The following TSGA10 variants were observed in gnomAD, a reference collection of about 807,000 sequenced individuals.
The protein encoded by TSGA10 is testis specific 10, also known as testis-specific gene 10 protein.
TSGA10 carries 43 observed loss-of-function variants against 96.6 expected under a neutral mutation model. That is an observed-to-expected ratio of 0.44 (90% CI 0.35 to 0.57). The LOEUF (loss-of-function observed/expected upper bound fraction) is 0.57. TSGA10 is among the 20% of genes least tolerant of loss of function. The pLI is 0.01. For missense variants in TSGA10, 703 were observed against 834.4 expected (o/e 0.84, Z 1.94); for synonymous variants, 229 against 269.9 (o/e 0.85, Z 1.48).
chr2:99,110,090 G>A (rs917683838), intron 5 of TSGA10, among the ~76,000 whole-genome samples: 4 of 152,182 alleles, frequency 2.6e-5, no homozygotes, highest in African/African-American at 2.4e-5. Flanking sequence ...ATTTGAACCC[G>A]GGAGGCGGAG....
chr2:99,085,186 G>A (rs368431945), intron 10 of TSGA10, among the ~76,000 whole-genome samples: 37 of 152,210 alleles, frequency 2.4e-4, no homozygotes, highest in African/African-American at 8.9e-4. Flanking sequence ...GGCGGAGGTT[G>A]CAGTGAGGTG....
At chr2:99,076,746 T>C (rs898510224) in intron 12 of TSGA10, among the ~76,000 whole-genome samples, 1 of 152,164 alleles carries the variant, frequency 6.6e-6, no homozygotes, top group African/African-American at 2.4e-5. Flanking sequence ...GAAATTCTCA[T>C]GAAAGCCACT....
At chr2:99,018,714 A>G (rs2079749722) in intron 18 of TSGA10, 74 bp from the exon 19 acceptor site, 1 of 1,278,656 alleles carries the variant, frequency 7.8e-7, no homozygotes, top group East Asian at 2.5e-5. Flanking sequence ...ACATGAAACC[A>G]TATTGATAGT....
intron 14 of TSGA10, among the ~76,000 whole-genome samples, chr2:99,070,993 T>C (rs890349638): frequency 6.6e-6 from 1 of 152,128 alleles, no homozygotes; most frequent in Non-Finnish European, 1.5e-5. Flanking sequence ...CAAAATACTT[T>C]AACATCTCAG....
intron 16 of TSGA10, among the ~76,000 whole-genome samples, chr2:99,045,915 G>A (rs149808408): frequency 0.016 from 2,451 of 152,206 alleles, 56 homozygotes; most frequent in African/African-American, 0.056. Flanking sequence ...AATGGCAGGA[G>A]TTGCAATCCT....
chr2:99,095,383 A>G (rs2089922268), intron 10 of TSGA10, among the ~76,000 whole-genome samples: 1 of 152,212 alleles, frequency 6.6e-6, no homozygotes, highest in Non-Finnish European at 1.5e-5. Context: ...CTGTTCCCCA[A>G]AAACCTATGG....
At chr2:99,100,542 C>T (rs1458338854) in intron 10 of TSGA10, among the ~76,000 whole-genome samples, 3 of 151,922 alleles carry the variant, frequency 2.0e-5, no homozygotes, top group African/African-American at 4.8e-5. Context: ...CTGGTAGGGC[C>T]GGGTGCGGTG....
intron 20 of TSGA10, among the ~76,000 whole-genome samples, chr2:99,002,404 GAAATAA>G (rs1170809305): frequency 4.6e-5 from 7 of 152,188 alleles, no homozygotes; most frequent in Non-Finnish European, 7.3e-5. Flanking sequence ...AAGTGAAGGA[GAAATAA>G]AATACTTTAC....
At position 99,078,709 on chromosome 2, in the gene TSGA10, C is replaced by T; in HGVS notation, c.832G>A (p.Asp278Asn). The change falls in exon 12 of 21, where the codon GAT becomes AAT. Residue 278 changes from aspartate to asparagine, a missense_variant. Asp to Asn is a conservative substitution (Grantham distance 23). Coordinates refer to ENST00000393483, the MANE Select transcript of TSGA10 (RefSeq NM_025244.4). ...KEKECLQACLDKKSENIASLG... is the reference protein window; with the variant it reads ...KEKECLQACLNKKSENIASLG... The stretch of plus-strand genomic sequence containing the variant: ...GATGCAATATTCTCAGATTTTTTAT[C>T]CAAACATGCTTGCAGGCATTCCTTT... 1.2e-6 allele frequency: 2 copies of T among 1,613,602 alleles called. No homozygotes were observed. The highest frequency in any genetic ancestry group is 1.7e-6 in the Non-Finnish European group (2 of 1,179,848).
chr2:99,023,238 G>A (rs1480441527), intron 17 of TSGA10, among the ~76,000 whole-genome samples: 2 of 152,062 alleles, frequency 1.3e-5, no homozygotes, highest in East Asian at 1.9e-4. Context: ...GGGCTCAAAC[G>A]ATCCTCCTGT....
intron 1 of TSGA10, among the ~76,000 whole-genome samples, chr2:99,144,139 G>C (rs1020798154): frequency 4.6e-5 from 7 of 152,212 alleles, no homozygotes; most frequent in African/African-American, 1.7e-4. Context: ...TCCTGCCTCA[G>C]CCTCCCGAGC....
chr2:99,139,539 C>CTATA, intron 1 of TSGA10, among the ~76,000 whole-genome samples: 1 of 151,968 alleles, frequency 6.6e-6, no homozygotes, highest in East Asian at 1.9e-4. Context: ...AAAGTGTAGA[C>CTATA]TTATAGACAT....
At chr2:99,029,333 T>C (rs557809938) in intron 17 of TSGA10, among the ~76,000 whole-genome samples, 2 of 152,264 alleles carry the variant, frequency 1.3e-5, no homozygotes, top group Middle Eastern at 3.4e-3. Flanking sequence ...TTAATAGATA[T>C]GGTATTAATT....
intron 17 of TSGA10, among the ~76,000 whole-genome samples, chr2:99,030,330 G>A (rs891755510): frequency 6.6e-6 from 1 of 150,764 alleles, no homozygotes; most frequent in African/African-American, 2.4e-5. Flanking sequence ...CTGGGGGACA[G>A]AGCAAGGCTC....
intron 2 of TSGA10, among the ~76,000 whole-genome samples, chr2:99,121,537 A>G (rs1370167830): frequency 1.3e-5 from 2 of 152,156 alleles, no homozygotes; most frequent in African/African-American, 4.8e-5. Flanking sequence ...GCAGTGGTAC[A>G]ATCTCAGTTC....
intron 10 of TSGA10, among the ~76,000 whole-genome samples, chr2:99,096,940 A>G (rs755453533): frequency 7.2e-5 from 11 of 152,196 alleles, no homozygotes; most frequent in Non-Finnish European, 1.2e-4. Flanking sequence ...GAGAACTGAT[A>G]TTACTAAACT....
At chr2:99,076,076 C>T (rs1404969702) in intron 12 of TSGA10, among the ~76,000 whole-genome samples, 1 of 152,012 alleles carries the variant, frequency 6.6e-6, no homozygotes, top group Admixed American at 6.5e-5. Context: ...CCTAAAAGTC[C>T]AAGAGCCTTT....
intron 17 of TSGA10, among the ~76,000 whole-genome samples, chr2:99,028,319 G>A (rs7606635): frequency 0.43 from 66,022 of 152,038 alleles, 17,006 homozygotes; most frequent in African/African-American, 0.72. Flanking sequence ...CAACCCAAGC[G>A]TTGTTGAGGT....
intron 16 of TSGA10, among the ~76,000 whole-genome samples, chr2:99,041,975 A>G (rs1337343339): frequency 6.6e-6 from 1 of 152,128 alleles, no homozygotes; most frequent in Non-Finnish European, 1.5e-5. Flanking sequence ...CAAATCAGCA[A>G]GAAAGAAACA....
Sources: allele counts gnomAD v4.1 joint callset (sites outside exome capture counted in the v4.1 genomes callset), GRCh38; gene constraint gnomAD v4.1.1; transcripts MANE v1.5; gene names NCBI Gene and HGNC (gene_info 2026-07-23, HGNC 2026-07-21).